CDK19: variants seen among roughly 807,000 people sequenced by gnomAD.
The protein encoded by CDK19 is cyclin dependent kinase 19, also known as cyclin-dependent kinase 19.
A neutral mutation model predicts 68.3 loss-of-function variants in CDK19; 20 were observed. The observed-to-expected ratio is 0.29, with a 90% confidence interval of 0.21 to 0.43. CDK19 has a LOEUF of 0.43. Ranked by LOEUF, CDK19 falls within the 20% of genes least tolerant of loss-of-function variation. CDK19 has a pLI of 1.00. For missense variants in CDK19, 339 were observed against 623.5 expected (o/e 0.54, Z 4.86); for synonymous variants, 221 against 222.8 (o/e 0.99, Z 0.07).
At chr6:110,774,035 A>G (rs537280842) in intron 1 of CDK19, 2 of 152,224 alleles carry the variant, frequency 1.3e-5, no homozygotes, top group Non-Finnish European at 2.9e-5. Context: ...ACAAGTCTAC[A>G]TATCTGCCAA....
chr6:110,663,515 T>C (rs80127668), intron 4 of CDK19, among the ~76,000 whole-genome samples: 1,743 of 152,236 alleles, frequency 0.011, 38 homozygotes, highest in African/African-American at 0.04. Flanking sequence ...ACAGACTAGA[T>C]TCCTGTTGGT....
chr6:110,726,002 C>T (rs1776287947), intron 2 of CDK19, among the ~76,000 whole-genome samples: 2 of 151,334 alleles, frequency 1.3e-5, no homozygotes, highest in African/African-American at 4.9e-5. Flanking sequence ...ACTTGTAAAA[C>T]ACGCCATGTT....
intron 2 of CDK19, among the ~76,000 whole-genome samples, chr6:110,718,086 C>T (rs1037295800): frequency 6.6e-6 from 1 of 152,116 alleles, no homozygotes; most frequent in Non-Finnish European, 1.5e-5. Context: ...CAAGCCCTCA[C>T]CAGACACCCA....
At chr6:110,692,338 T>C (rs547230007) in intron 2 of CDK19, among the ~76,000 whole-genome samples, 2 of 148,090 alleles carry the variant, frequency 1.4e-5, no homozygotes, top group East Asian at 4.0e-4. Flanking sequence ...AATTACAAAA[T>C]GTAATGTAGT....
At chr6:110,813,641 C>CAAT in intron 1 of CDK19, 1 of 152,172 alleles carries the variant, frequency 6.6e-6, no homozygotes, top group Middle Eastern at 3.4e-3. Context: ...AAAAATTCTG[C>CAAT]AATAATAATA....
At chr6:110,671,362 G>A (rs775327670) in intron 2 of CDK19, among the ~76,000 whole-genome samples, 13 of 151,978 alleles carry the variant, frequency 8.6e-5, no homozygotes, top group Non-Finnish European at 1.6e-4. Context: ...TCCTTAAACA[G>A]GGTTCAGATT....
Position 110,614,542 on chromosome 6 carries a change from C to T in CDK19, c.1502G>A (p.Arg501Gln), listed in dbSNP as rs776325246. ...SQYHPSHQAH[R>Q]Y ...TGGCCCAACGGGAGCTGGTCAGTAC[C>T]GGTGGGCCTGGTGAGATGGGTGGTA... is the stretch of plus-strand genomic sequence containing the variant. Residue 501 changes from arginine to glutamine, a missense_variant, in exon 13 of 13, where the codon CGG becomes CAG. Arg to Gln is a conservative substitution (Grantham distance 43). This residue lies in a region of CDK19 where 155 missense variants were observed against 222.7 expected (regional missense o/e 0.70). Coordinates refer to ENST00000368911, the MANE Select transcript of CDK19 (RefSeq NM_015076.5). The T allele has an allele frequency of 2.2e-5, 35 of 1,613,754 alleles. No individual in the cohort carries two copies. Among genetic ancestry groups the T allele is most frequent in the Non-Finnish European group, 2.9e-5 (34 of 1,179,884 alleles).
In CDK19 at chr6:110,634,966, T is replaced by C. The variant is rs180955627; in HGVS notation, c.515-2805A>G. 3.6e-3 allele frequency among the ~76,000 whole-genome samples: 548 copies of C among 152,360 alleles called. 5 individuals carry two copies. Among genetic ancestry groups the C allele is most frequent in the Non-Finnish European group, 5.9e-3 (402 of 68,018 alleles). On this transcript the variant is annotated intron_variant, in intron 5 of 12. Coordinates refer to ENST00000368911, the MANE Select transcript of CDK19 (RefSeq NM_015076.5). ...TTAAAAACAATTCCCATCTATTTTA[T>C]GAACTTTAAAAGAGTTTCAAACTAC...
intron 4 of CDK19, among the ~76,000 whole-genome samples, chr6:110,642,756 C>A (rs1417891848): frequency 1.3e-5 from 2 of 150,928 alleles, no homozygotes; most frequent in East Asian, 3.9e-4. Context: ...GTGTTCAAGG[C>A]CAGGCTGGGA....
chr6:110,727,121 G>A (rs1449436427), intron 2 of CDK19, among the ~76,000 whole-genome samples: 1 of 152,016 alleles, frequency 6.6e-6, no homozygotes, highest in Admixed American at 6.6e-5. Flanking sequence ...GGTTATATAA[G>A]ACCATTTCTC....
At position 110,612,755 on chromosome 6, in the gene CDK19, C is replaced by T. The variant is rs562673074; in HGVS notation, c.*1780G>A. 6.5e-6 allele frequency: 1 copy of T among 152,704 alleles called. No individual in the cohort carries two copies. Among genetic ancestry groups the T allele is most frequent in the African/African-American group, 2.4e-5 (1 of 41,554 alleles). The allele number at this position is 152,704 out of a possible 1,614,324, so 9.5% of individuals were successfully genotyped here. ...AAACAGCAGGAGACTATCAGAAACT[C>T]CTTCCAATGGAGCACGTAACCTGCT... On this transcript the variant is annotated 3_prime_UTR_variant, in exon 13 of 13. Transcript: ENST00000368911.
intron 6 of CDK19, among the ~76,000 whole-genome samples, chr6:110,629,898 CAAGT>C (rs905988514): frequency 6.6e-5 from 10 of 152,076 alleles, no homozygotes; most frequent in Non-Finnish European, 1.0e-4. Flanking sequence ...ATTTACCAAG[CAAGT>C]GAGTTGCAAG....
chr6:110,804,236 T>C (rs1435012369), intron 1 of CDK19, among the ~76,000 whole-genome samples: 2 of 152,050 alleles, frequency 1.3e-5, no homozygotes, highest in Admixed American at 6.5e-5. Flanking sequence ...AAACCCTCAC[T>C]GAAAAAAATG....
intron 2 of CDK19, among the ~76,000 whole-genome samples, chr6:110,678,534 G>A (rs909476956): frequency 6.6e-6 from 1 of 152,086 alleles, no homozygotes; most frequent in African/African-American, 2.4e-5. Context: ...CTCCTCCTCA[G>A]TGAGTCTTCC....
At chr6:110,650,032 G>T (rs1021110540) in intron 4 of CDK19, among the ~76,000 whole-genome samples, 11 of 151,838 alleles carry the variant, frequency 7.2e-5, no homozygotes, top group Non-Finnish European at 4.4e-5. Flanking sequence ...GTCACACAAT[G>T]AATTTTAAAA....
At chr6:110,805,044 C>T in intron 1 of CDK19, among the ~76,000 whole-genome samples, 1 of 152,000 alleles carries the variant, frequency 6.6e-6, no homozygotes, top group Admixed American at 6.6e-5. Flanking sequence ...AGAACTCAAA[C>T]CCTCAATAAA....
In CDK19 at chr6:110,814,464, C is replaced by A. The variant is rs1344713053; in HGVS notation, c.128+545G>T. 3 of 369,088 alleles carry A rather than the reference C, an allele frequency of 8.1e-6. No individual in the cohort carries two copies. In the East Asian group the frequency reaches 2.5e-4, roughly 31 times the overall value. The allele number at this position is 369,088 out of a possible 1,614,324, so 22.9% of individuals were successfully genotyped here. A position where few individuals can be genotyped will look rare whatever the true frequency, so the allele number is the denominator to read the frequency against. On this transcript the variant is annotated intron_variant, in intron 1 of 12. Transcript: ENST00000368911. ...CCAACGGGCCGGCCAGCCCGAAGGG[C>A]GGAGATCGCTGCTGGGGGCGGCGGT...
chr6:110,757,312 T>C (rs1583033034), intron 1 of CDK19, among the ~76,000 whole-genome samples: 1 of 152,180 alleles, frequency 6.6e-6, no homozygotes, highest in East Asian at 1.9e-4. Context: ...TCCCCGATAG[T>C]AGCAAATCTG....
intron 1 of CDK19, among the ~76,000 whole-genome samples, chr6:110,809,147 G>A (rs1027413002): frequency 3.3e-5 from 5 of 151,056 alleles, no homozygotes; most frequent in African/African-American, 7.3e-5. Flanking sequence ...CCCAGGAGGC[G>A]CAGCTTGCAG....
Sources: allele counts gnomAD v4.1 joint callset (sites outside exome capture counted in the v4.1 genomes callset), GRCh38; gene constraint gnomAD v4.1.1; regional missense constraint gnomAD v4.1.1; transcripts MANE v1.5; gene names NCBI Gene and HGNC (gene_info 2026-07-23, HGNC 2026-07-21).